Variants in CFAP221 observed in about 807,000 individuals in gnomAD.
CFAP221 encodes cilia and flagella associated protein 221.
Under a neutral mutation model 113.1 loss-of-function variants are expected in CFAP221, and 97 were observed. That is an observed-to-expected ratio of 0.86 (90% CI 0.73 to 1.02). The LOEUF (loss-of-function observed/expected upper bound fraction) is 1.02. Among genes scored for constraint, CFAP221 ranks in the 50% least tolerant of loss-of-function variants. The pLI is 0.00. For synonymous variants in CFAP221, 331 were observed against 354.4 expected, an observed-to-expected ratio of 0.93 and a Z score of 0.74; for missense variants, 1,025 against 1,013.4, an observed-to-expected ratio of 1.01 and a Z score of -0.16.
chr2:119,579,097 A>G (rs191495120), intron 6 of CFAP221, among the ~76,000 whole-genome samples: 84 of 152,270 alleles, frequency 5.5e-4, no homozygotes, highest in African/African-American at 1.9e-3. Flanking sequence ...ATTTTAAAGT[A>G]CTTAATATAT....
chr2:119,591,460 C>T (rs1021259433), intron 7 of CFAP221, among the ~76,000 whole-genome samples: 3 of 152,224 alleles, frequency 2.0e-5, no homozygotes, highest in African/African-American at 4.8e-5. Context: ...TTGCACACAG[C>T]GTGGCTGGCA....
At chr2:119,589,394 C>T (rs556656981) in intron 7 of CFAP221, among the ~76,000 whole-genome samples, 11 of 152,376 alleles carry the variant, frequency 7.2e-5, no homozygotes, top group African/African-American at 2.4e-4. Flanking sequence ...GGAGGCCATA[C>T]AGCTGGACAG....
rs769876153 is a variant in CFAP221 at position 119,611,707 on chromosome 2, G to A, written c.1276G>A (p.Val426Ile). The A allele has an allele frequency of 1.9e-6, 3 of 1,613,914 alleles. No homozygotes were observed. The highest frequency in any genetic ancestry group is 1.7e-6 in the Non-Finnish European group (2 of 1,179,944). The change falls in exon 13 of 24, where the codon GTT becomes ATT. Residue 426 changes from valine (V) to isoleucine (I), a missense_variant. Val to Ile is a conservative substitution (Grantham distance 29). Coordinates refer to ENST00000413369, the MANE Select transcript of CFAP221 (RefSeq NM_001271049.2). The part of the protein sequence containing the change: ...DEEFQRLKTE[V>I]SHKRVVRNQE... ...GGAATTTCAGCGACTTAAAACAGAAGTTAGCCATAAACGGGTTGTTCGCAA... is the reference window on the plus strand; with the variant it reads ...GGAATTTCAGCGACTTAAAACAGAAATTAGCCATAAACGGGTTGTTCGCAA...
At position 119,549,205 on chromosome 2, in the gene CFAP221, G is replaced by A; in HGVS notation, c.240+20G>A. The A allele has an allele frequency of 1.4e-6, 2 of 1,462,160 alleles. No individual in the cohort carries two copies. The highest frequency in any genetic ancestry group is 1.8e-6 in the Non-Finnish European group (2 of 1,090,178). The allele number at this position is 1,462,160 out of a possible 1,614,324, so 90.6% of individuals were successfully genotyped here. On this transcript the variant is annotated intron_variant, in intron 3 of 23. Transcript: ENST00000413369. ...ATTCTGGTAGGTACTTTTTAAATGG[G>A]ATAATTAATCATCATAATGAAGTGA... is the stretch of plus-strand genomic sequence containing the variant.
chr2:119,646,664 A>T (rs914631037), intron 21 of CFAP221, among the ~76,000 whole-genome samples: 1 of 152,134 alleles, frequency 6.6e-6, no homozygotes, highest in African/African-American at 2.4e-5. Flanking sequence ...ATCTAACTAC[A>T]CTCACCCCAG....
intron 21 of CFAP221, among the ~76,000 whole-genome samples, chr2:119,642,109 C>A (rs1283295749): frequency 6.6e-6 from 1 of 152,158 alleles, no homozygotes; most frequent in Non-Finnish European, 1.5e-5. Flanking sequence ...AACTCTCGAA[C>A]CATGAGTTGT....
intron 23 of CFAP221, among the ~76,000 whole-genome samples, chr2:119,654,331 C>T (rs1246454412): frequency 6.6e-6 from 1 of 152,136 alleles, no homozygotes; most frequent in East Asian, 1.9e-4. Flanking sequence ...AAACCTCTTG[C>T]ACCTCAACAC....
Position 119,604,954 on chromosome 2 carries a change from C to A in CFAP221, c.991C>A (p.Pro331Thr). The A allele has an allele frequency of 6.2e-7, 1 of 1,614,024 alleles. No homozygotes were observed. The highest frequency in any genetic ancestry group is 1.1e-5 in the South Asian group (1 of 91,058). ...TGTGGCAACTGTTTTAAACCAAGAA[C>A]CAGGAAAATTGAAGATTAAAGAATT... ...FAVATVLNQE[P>T]GKLKIKELRE... The change falls in exon 10 of 24, where the codon CCA becomes ACA. Residue 331 changes from proline to threonine, a missense_variant. By Grantham distance (38) the Pro-to-Thr change is conservative. Transcript: ENST00000413369.
At chr2:119,607,701 T>C (rs573863407) in intron 11 of CFAP221, among the ~76,000 whole-genome samples, 1 of 152,222 alleles carries the variant, frequency 6.6e-6, no homozygotes, top group East Asian at 1.9e-4. Flanking sequence ...GCAACCACAA[T>C]CTACTTTCAG....
chr2:119,619,826 A>G (rs1433588430), intron 14 of CFAP221, among the ~76,000 whole-genome samples: 1 of 152,186 alleles, frequency 6.6e-6, no homozygotes, highest in African/African-American at 2.4e-5. Context: ...CCAATGAAAG[A>G]AAGCTAAGAA....
Position 119,566,444 on chromosome 2 carries a change from C to T in CFAP221, c.527+4330C>T, listed in dbSNP as rs143899457. ...TCACCTTTGGTCTCCTAGCTTGCCA[C>T]TCTCATTTTTGTTCGTGTCACAGCA... On this transcript the variant is annotated intron_variant, in intron 6 of 23. Coordinates refer to ENST00000413369, the MANE Select transcript of CFAP221 (RefSeq NM_001271049.2). 4.6e-4 allele frequency among the ~76,000 whole-genome samples: 70 copies of T among 152,320 alleles called. 1 individual carries two copies. Among genetic ancestry groups the T allele is most frequent in the African/African-American group, 1.5e-3 (64 of 41,560 alleles).
At chr2:119,594,402 A>AT (rs111676581) in intron 7 of CFAP221, among the ~76,000 whole-genome samples, 102 of 151,178 alleles carry the variant, frequency 6.7e-4, no homozygotes, top group African/African-American at 8.0e-4. Context: ...CGCCCGGCTA[A>AT]TTTTTTTTTG....
intron 21 of CFAP221, among the ~76,000 whole-genome samples, chr2:119,641,444 G>A (rs962688726): frequency 6.6e-6 from 1 of 151,622 alleles, no homozygotes; most frequent in South Asian, 2.1e-4. Flanking sequence ...CAGAACTGGC[G>A]GGAACAATGG....
chr2:119,559,430 G>A (rs1396603334), intron 3 of CFAP221, among the ~76,000 whole-genome samples: 1 of 152,038 alleles, frequency 6.6e-6, no homozygotes, highest in East Asian at 1.9e-4. Context: ...GCTAAGTCTC[G>A]GGCTGGGGTG....
chr2:119,638,805 A>G (rs1184820125), intron 20 of CFAP221, among the ~76,000 whole-genome samples: 1 of 152,044 alleles, frequency 6.6e-6, no homozygotes, highest in Non-Finnish European at 1.5e-5. Flanking sequence ...GACACATGCA[A>G]AGAAGTGGCT....
At chr2:119,611,628 A>G in intron 12 of CFAP221, 25 bp from the exon 13 acceptor site, 1 of 1,577,292 alleles carries the variant, frequency 6.3e-7, no homozygotes, top group Non-Finnish European at 8.6e-7. Flanking sequence ...TTCAACTTAA[A>G]TTATTTTGAT....
intron 6 of CFAP221, among the ~76,000 whole-genome samples, chr2:119,574,099 G>T (rs2104577784): frequency 6.6e-6 from 1 of 152,260 alleles, no homozygotes; most frequent in Middle Eastern, 3.4e-3. Context: ...AGCCAGTGTT[G>T]ACCTTATAAA....
Position 119,612,436 on chromosome 2 carries a change from GC to G in CFAP221, c.1311+696del, listed in dbSNP as rs1685242814. Among the ~76,000 whole-genome samples, 5 of 152,212 alleles carry G rather than the reference GC, an allele frequency of 3.3e-5. No individual in the cohort carries two copies. In the East Asian group the frequency reaches 9.6e-4, roughly 29 times the overall value. On this transcript the variant is annotated intron_variant, in intron 13 of 23. Coordinates refer to ENST00000413369, the MANE Select transcript of CFAP221 (RefSeq NM_001271049.2). ...CAGGAATGAGAAGAATGAAAACCAA[GC>G]CAAGGGGGAAGCTCCTTATAAAACC...
At chr2:119,551,806 G>A (rs1298591789) in intron 3 of CFAP221, among the ~76,000 whole-genome samples, 2 of 152,130 alleles carry the variant, frequency 1.3e-5, no homozygotes, top group Non-Finnish European at 2.9e-5. Context: ...GTTTTTGATG[G>A]GAATTGCATT....
Sources: allele counts gnomAD v4.1 joint callset (sites outside exome capture counted in the v4.1 genomes callset), GRCh38; gene constraint gnomAD v4.1.1; transcripts MANE v1.5; gene names NCBI Gene and HGNC (gene_info 2026-07-23, HGNC 2026-07-21).